GNA11: variants seen among roughly 807,000 people sequenced by gnomAD.
GNA11 encodes the protein guanine nucleotide-binding protein subunit alpha-11.
GNA11 carries 8 observed loss-of-function variants against 38.2 expected under a neutral mutation model. The ratio of observed to expected loss-of-function variants is 0.21; its 90% CI spans 0.12 to 0.38. The LOEUF is 0.38. GNA11 is among the 10% of genes least tolerant of loss of function. The probability of loss-of-function intolerance (pLI) is 1.00; values close to 1 mark genes in which losing one functional copy is unlikely to be tolerated. For missense variants in GNA11, 268 were observed against 516.3 expected, an observed-to-expected ratio of 0.52 and a Z score of 4.66; for synonymous variants, 211 against 221.4, an observed-to-expected ratio of 0.95 and a Z score of 0.42.
rs764982849 is a variant in GNA11 at position 3,120,773 on chromosome 19, C to T, written c.890-216C>T. On this transcript the variant is annotated intron_variant, in intron 6 of 6. Transcript: ENST00000078429. This position sits in a 1 kb window ranked among gnomAD's most constrained non-coding sequence, Gnocchi z 5.9. ...AGAGCCCCAGGTTGGAGGCCTGGGC[C>T]GTGACAGTAGTGCCCTGGGGCTACA... Among the ~76,000 whole-genome samples, 21 of 152,170 alleles carry T rather than the reference C, an allele frequency of 1.4e-4. No individual in the cohort carries two copies. The highest frequency in any genetic ancestry group is 3.4e-3 in the Middle Eastern group (1 of 292).
At chr19:3,102,976 C>T (rs1204349835) in intron 1 of GNA11, among the ~76,000 whole-genome samples, 2 of 152,202 alleles carry the variant, frequency 1.3e-5, no homozygotes, top group African/African-American at 4.8e-5. Flanking sequence ...GTGGCTCTGG[C>T]CTTGCTCCCG....
intron 1 of GNA11, among the ~76,000 whole-genome samples, chr19:3,103,366 C>T (rs934483003): frequency 6.6e-6 from 1 of 151,694 alleles, no homozygotes; most frequent in South Asian, 2.1e-4. Context: ...GCGCATGCCA[C>T]CACACCCGGC....
rs2145318686 is a variant in GNA11, at chr19:3,113,404, C to T, written c.396C>T (p.Ile132=). 6.2e-7 allele frequency: 1 copy of T among 1,613,216 alleles called. No individual in the cohort carries two copies. The highest frequency in any genetic ancestry group is 8.5e-7 in the Non-Finnish European group (1 of 1,179,578). The change falls in exon 3 of 7, where the codon ATC becomes ATT. Residue 132 remains isoleucine (I), a synonymous_variant. Transcript: ENST00000078429. ...TCGAGCATCAGTACGTCAGTGCCATCAAGACCCTGTGGGAGGACCCGGGCA... is the reference window on the plus strand; with the variant it reads ...TCGAGCATCAGTACGTCAGTGCCATTAAGACCCTGTGGGAGGACCCGGGCA... ...TTFEHQYVSA[I]KTLWEDPGIQ...
rs1023510672 is a variant in GNA11, at chr19:3,120,235, G to A, written c.890-754G>A. On this transcript the variant is annotated intron_variant, in intron 6 of 6. Coordinates refer to ENST00000078429, the MANE Select transcript of GNA11 (RefSeq NM_002067.5). This position sits in a 1 kb window ranked among gnomAD's most constrained non-coding sequence, Gnocchi z 5.9. Reference sequence around the variant, plus strand: ...ATAGCCTCGGCCGCTGGCTGCAGGCGCAGGGCCCTGCTGTCCCTGGGCAGG... The same window carrying A: ...ATAGCCTCGGCCGCTGGCTGCAGGCACAGGGCCCTGCTGTCCCTGGGCAGG... 5.3e-5 allele frequency among the ~76,000 whole-genome samples: 8 copies of A among 151,916 alleles called. No individual in the cohort carries two copies. The highest frequency in any genetic ancestry group is 4.1e-4 in the South Asian group (2 of 4,828).
intron 1 of GNA11, among the ~76,000 whole-genome samples, chr19:3,100,283 A>G (rs1352875523): frequency 1.3e-5 from 2 of 152,154 alleles, no homozygotes; most frequent in African/African-American, 4.8e-5. Flanking sequence ...CCAGACCAGG[A>G]GCACCCCCAA....
At chr19:3,115,282 G>C in intron 4 of GNA11, 3 of 508,980 alleles carry the variant, frequency 5.9e-6, no homozygotes, top group South Asian at 2.4e-5. Flanking sequence ...GTGTGCACCT[G>C]TGGTCCCAGC....
intron 2 of GNA11, among the ~76,000 whole-genome samples, chr19:3,112,733 C>T (rs897912066): frequency 3.9e-5 from 6 of 152,364 alleles, no homozygotes; most frequent in South Asian, 2.1e-4. Context: ...GGGGGCCACA[C>T]GCCGTCCTTA....
At chr19:3,114,746 T>A (rs1434888129) in intron 3 of GNA11, among the ~76,000 whole-genome samples, 198 bp from the exon 4 acceptor site, 1 of 152,188 alleles carries the variant, frequency 6.6e-6, no homozygotes, top group African/African-American at 2.4e-5. Context: ...GGATAGAGGT[T>A]GGGAGGCTCG....
At chr19:3,109,760 T>C (rs308060) in intron 1 of GNA11, among the ~76,000 whole-genome samples, 132,043 of 152,248 alleles carry the variant, frequency 0.87, 57,309 homozygotes, top group Admixed American at 0.89. Flanking sequence ...GTCCCTCTGG[T>C]GAGCATTGGT....
In GNA11 at chr19:3,119,467, C is replaced by A. The variant is rs902297069; in HGVS notation, c.889+108C>A. ...ACAGGCCGGGAGCTCTAAGGGAGGG[C>A]GTCTGATGGGAGGTGTCATGTATGG... On this transcript the variant is annotated intron_variant, in intron 6 of 6. Transcript: ENST00000078429. This position sits in a 1 kb window ranked among gnomAD's most constrained non-coding sequence, Gnocchi z 4.6. 2 of 936,756 alleles carry A rather than the reference C, an allele frequency of 2.1e-6. No individual in the cohort carries two copies. The highest frequency in any genetic ancestry group is 3.2e-6 in the Non-Finnish European group (2 of 631,336). The allele number at this position is 936,756 out of a possible 1,614,324, so 58.0% of individuals were successfully genotyped here.
At chr19:3,097,612 A>G (rs1913404632) in intron 1 of GNA11, among the ~76,000 whole-genome samples, 1 of 152,126 alleles carries the variant, frequency 6.6e-6, no homozygotes, top group East Asian at 1.9e-4. Context: ...GGGGCTGCAC[A>G]CGGCCTGTGA....
Position 3,121,111 on chromosome 19 carries a change from C to T in GNA11, c.1012C>T (p.Arg338Cys), listed in dbSNP as rs773591539. 6 of 1,613,786 alleles carry T rather than the reference C, an allele frequency of 3.7e-6. No homozygotes were observed. Among genetic ancestry groups the T allele is most frequent in the Non-Finnish European group, 4.2e-6 (5 of 1,179,792 alleles). Reference sequence around the variant, plus strand: ...GTGTGCCACCGACACGGAGAACATCCGCTTCGTGTTCGCGGCCGTGAAGGA... The same window carrying T: ...GTGTGCCACCGACACGGAGAACATCTGCTTCGTGTTCGCGGCCGTGAAGGA... ...FTCATDTENIRFVFAAVKDTI... is the reference protein window; with the variant it reads ...FTCATDTENICFVFAAVKDTI... The change falls in exon 7 of 7, where the codon CGC (arginine) becomes TGC (cysteine). Residue 338 changes from arginine (R) to cysteine (C), a missense_variant. Physicochemically the swap from Arg to Cys is radical, Grantham distance 180 (BLOSUM62 -3). Transcript: ENST00000078429.
chr19:3,110,786 T>TTTTTGTTTTGTTTTG lies in GNA11; in HGVS notation c.321+469_321+483dup, dbSNP rs56122562. Among the ~76,000 whole-genome samples, 10 of 150,640 alleles carry TTTTTGTTTTGTTTTG rather than the reference T, an allele frequency of 6.6e-5. No homozygotes were observed. The highest frequency in any genetic ancestry group is 2.4e-4 in the African/African-American group (10 of 41,080). ...GTACTTCTCACCTTCTCACACTGTT[T>TTTTTGTTTTGTTTTG]TTTTGTTTTGTTTTGTTTTGTTTTG... On this transcript the variant is annotated intron_variant, in intron 2 of 6. Coordinates refer to ENST00000078429, the MANE Select transcript of GNA11 (RefSeq NM_002067.5). The surrounding 1 kb of genome is among the most constrained non-coding windows in gnomAD (Gnocchi z 5.4).
chr19:3,122,647 C>T lies in GNA11; in HGVS notation c.*1468C>T, dbSNP rs1212607374. 1 of 233,384 alleles carries T rather than the reference C, an allele frequency of 4.3e-6. No homozygotes were observed. The highest frequency in any genetic ancestry group is 5.6e-5 in the Admixed American group (1 of 17,784). The allele number at this position is 233,384 out of a possible 1,614,324, so 14.5% of individuals were successfully genotyped here. A position where few individuals can be genotyped will look rare whatever the true frequency, so the allele number is the denominator to read the frequency against. On this transcript the variant is annotated 3_prime_UTR_variant, in exon 7 of 7. Coordinates refer to ENST00000078429, the MANE Select transcript of GNA11 (RefSeq NM_002067.5). This position sits in a 1 kb window ranked among gnomAD's most constrained non-coding sequence, Gnocchi z 7.7. ...TGGTTCCGGGCTTCGCACAGCTGTC[C>T]CAGGGATGGATCGCCTGTGCTGCCT... is the stretch of plus-strand genomic sequence containing the variant.
intron 1 of GNA11, among the ~76,000 whole-genome samples, chr19:3,109,068 A>G (rs1216388447): frequency 6.6e-6 from 1 of 152,248 alleles, no homozygotes; most frequent in Admixed American, 6.5e-5. Flanking sequence ...TCTGTTTGCT[A>G]GAAGCAGGTC....
intron 1 of GNA11, among the ~76,000 whole-genome samples, chr19:3,109,214 C>T (rs1371542220): frequency 2.0e-5 from 3 of 151,828 alleles, no homozygotes; most frequent in Admixed American, 6.5e-5. Context: ...AGTGGGGAGA[C>T]GGAGTCTCTG....
chr19:3,094,869 C>A lies in GNA11; in HGVS notation c.136+82C>A. The A allele has an allele frequency of 9.0e-7, 1 of 1,110,698 alleles. No homozygotes were observed. Among genetic ancestry groups the A allele is most frequent in the Non-Finnish European group, 1.2e-6 (1 of 832,546 alleles). 68.8% of individuals were successfully genotyped at this position (1,110,698 alleles called of 1,614,324 possible). A position where few individuals can be genotyped will look rare whatever the true frequency, so the allele number is the denominator to read the frequency against. On this transcript the variant is annotated intron_variant, in intron 1 of 6. Transcript: ENST00000078429. This position sits in a 1 kb window ranked among gnomAD's most constrained non-coding sequence, Gnocchi z 6.0. ...TGCCTGTCCGGGTCGGGCCGGGACC[C>A]TCCGGGGTCAGCCCTGCCTGTGCCG...
Position 3,119,358 on chromosome 19 carries a change from T to G in GNA11, c.888T>G (p.Asp296Glu). Reference protein sequence around the residue: ...SHLVDYFPEFDGPQRDAQAAR... With the variant: ...SHLVDYFPEFEGPQRDAQAAR... ...TGGTGGACTACTTCCCCGAGTTCGA[T>G]GGTGCGCCGGGCTGCGGCATGGGGA... The change falls in exon 6 of 7, where the codon GAT (aspartate) becomes GAG (glutamate). Residue 296 changes from aspartate (D) to glutamate (E), a missense_variant and splice_region_variant. Around this residue, in one of 3 missense-constraint regions of GNA11, gnomAD observed 92 missense variants for 166.7 expected, o/e 0.55. Transcript: ENST00000078429. This position sits in a 1 kb window ranked among gnomAD's most constrained non-coding sequence, Gnocchi z 4.6. 6.2e-7 allele frequency: 1 copy of G among 1,612,204 alleles called. No homozygotes were observed. Among genetic ancestry groups the G allele is most frequent in the Non-Finnish European group, 8.5e-7 (1 of 1,179,454 alleles).
chr19:3,104,241 C>T (rs542413292), intron 1 of GNA11, among the ~76,000 whole-genome samples: 8 of 152,346 alleles, frequency 5.3e-5, no homozygotes, highest in African/African-American at 9.6e-5. Context: ...AGCTGGGGCA[C>T]GGACTTCGTT....
Sources: gnomAD v4.1 joint callset for allele counts (sites outside exome capture counted in the v4.1 genomes callset) on GRCh38, gnomAD v4.1.1 for gene constraint, gnomAD v4.1.1 regional missense constraint, Gnocchi (gnomAD v3.1) non-coding constraint, MANE v1.5 for transcripts, NCBI Gene and HGNC (gene_info 2026-07-23, HGNC 2026-07-21) for gene names.